SIPA1L1: variants seen among roughly 807,000 people sequenced by gnomAD.
SIPA1L1 encodes the protein signal induced proliferation associated 1 like 1.
A neutral mutation model predicts 162.7 loss-of-function variants in SIPA1L1; 26 were observed. The ratio of observed to expected loss-of-function variants is 0.16; its 90% CI spans 0.12 to 0.22. SIPA1L1 has a LOEUF of 0.22. SIPA1L1 is among the 10% of genes least tolerant of loss of function. SIPA1L1 has a pLI of 1.00. For synonymous variants in SIPA1L1, 829 were observed against 837.4 expected, an observed-to-expected ratio of 0.99 and a Z score of 0.17; for missense variants, 1,874 against 2,241.0, an observed-to-expected ratio of 0.84 and a Z score of 3.31.
chr14:71,382,776 C>T (rs2040009981), intron 2 of SIPA1L1, among the ~76,000 whole-genome samples: 1 of 152,016 alleles, frequency 6.6e-6, no homozygotes, highest in South Asian at 2.1e-4. Context: ...TATTGAGTGC[C>T]CATATGTGAA....
At chr14:71,594,064 TCTC>T (rs948104805) in intron 5 of SIPA1L1, among the ~76,000 whole-genome samples, 6 of 152,158 alleles carry the variant, frequency 3.9e-5, no homozygotes, top group Non-Finnish European at 7.3e-5. Context: ...TCACCTTCCT[TCTC>T]CTCCTCCTCC....
In SIPA1L1 at chr14:71,741,064, G is replaced by A. The variant is rs926754259; in HGVS notation, c.*1903G>A. ...TTAAAACACTTTGGTATTATTGCTT[G>A]AGGTTTGCTTATTTGAAAGACCACC... is the stretch of plus-strand genomic sequence containing the variant. On this transcript the variant is annotated 3_prime_UTR_variant, in exon 24 of 24. Transcript: ENST00000381232. 1.3e-5 allele frequency: 2 copies of A among 152,152 alleles called. No individual in the cohort carries two copies. Among genetic ancestry groups the A allele is most frequent in the Non-Finnish European group, 1.5e-5 (1 of 68,030 alleles). The allele number at this position is 152,152 out of a possible 1,614,324, so 9.4% of individuals were successfully genotyped here. A position where few individuals can be genotyped will look rare whatever the true frequency, so the allele number is the denominator to read the frequency against.
chr14:71,663,235 A>G (rs2043697506), intron 10 of SIPA1L1, among the ~76,000 whole-genome samples: 1 of 152,186 alleles, frequency 6.6e-6, no homozygotes, highest in Non-Finnish European at 1.5e-5. Context: ...ATGAATTAAC[A>G]TGTGATTTCA....
At chr14:71,422,449 A>C (rs536491353) in intron 2 of SIPA1L1, among the ~76,000 whole-genome samples, 1 of 152,310 alleles carries the variant, frequency 6.6e-6, no homozygotes, top group Non-Finnish European at 1.5e-5. Flanking sequence ...TAAAACTGAA[A>C]TTCTGTACTC....
At chr14:71,677,755 G>C (rs1371741843) in intron 12 of SIPA1L1, among the ~76,000 whole-genome samples, 2 of 152,096 alleles carry the variant, frequency 1.3e-5, no homozygotes, top group African/African-American at 4.8e-5. Flanking sequence ...TCTAGTTTTT[G>C]TCAAGTTTGT....
chr14:71,709,785 T>A, intron 17 of SIPA1L1, 121 bp downstream of exon 17: 1 of 740,022 alleles, frequency 1.4e-6, no homozygotes, highest in African/African-American at 1.8e-5. Flanking sequence ...CAGTGACAAT[T>A]ATTTTTATAT....
At chr14:71,497,420 A>T (rs999797206) in intron 2 of SIPA1L1, among the ~76,000 whole-genome samples, 4 of 152,114 alleles carry the variant, frequency 2.6e-5, no homozygotes, top group African/African-American at 9.7e-5. Flanking sequence ...TGTGACTTTC[A>T]TTATAATAAA....
At chr14:71,385,929 G>A (rs1595151402) in intron 2 of SIPA1L1, among the ~76,000 whole-genome samples, 1 of 151,786 alleles carries the variant, frequency 6.6e-6, no homozygotes, top group South Asian at 2.1e-4. Flanking sequence ...CTCGTGATCC[G>A]CCCGCCTCAG....
At chr14:71,337,663 G>A (rs1458285045) in intron 2 of SIPA1L1, among the ~76,000 whole-genome samples, 1 of 152,152 alleles carries the variant, frequency 6.6e-6, no homozygotes, top group African/African-American at 2.4e-5. Flanking sequence ...GGAATTATGG[G>A]AGCTACAATT....
chr14:71,408,316 A>G (rs1436783095), intron 2 of SIPA1L1, among the ~76,000 whole-genome samples: 1 of 152,184 alleles, frequency 6.6e-6, no homozygotes, highest in Non-Finnish European at 1.5e-5. Context: ...AATTCTTCAA[A>G]GAGACTCAAA....
rs542923200 is a variant in SIPA1L1, at chr14:71,435,967, A to G, written c.-464-76776A>G. Among the ~76,000 whole-genome samples, 24 of 152,314 alleles carry G rather than the reference A, an allele frequency of 1.6e-4. No homozygotes were observed. The East Asian group carries it at 2.9e-3, about 18-fold the overall frequency. On this transcript the variant is annotated intron_variant, in intron 2 of 23. Coordinates refer to ENST00000381232, the MANE Select transcript of SIPA1L1 (RefSeq NM_001386936.1). Reference sequence around the variant, plus strand: ...TTTCATGTGTCTGTTGGCTTCAGCAATGTATGTGTTTTACCTCCCCCTTGC... The same window carrying G: ...TTTCATGTGTCTGTTGGCTTCAGCAGTGTATGTGTTTTACCTCCCCCTTGC...
At chr14:71,442,836 T>C (rs1027351263) in intron 2 of SIPA1L1, among the ~76,000 whole-genome samples, 1 of 152,152 alleles carries the variant, frequency 6.6e-6, no homozygotes, top group African/African-American at 2.4e-5. Context: ...CTTGGGAGGC[T>C]GAGATGGGAA....
rs146386039 is a variant in SIPA1L1, at chr14:71,735,360, C to G, written c.5092C>G (p.Gln1698Glu). 1 of 1,613,940 alleles carries G rather than the reference C, an allele frequency of 6.2e-7. No individual in the cohort carries two copies. The highest frequency in any genetic ancestry group is 1.3e-5 in the African/African-American group (1 of 74,932). ...ATCCAACAGTGATCAGCTGGAGGAC[C>G]AGGCTCTGGCCCAGATGAAGCCTTA... is the stretch of plus-strand genomic sequence containing the variant. ...AASNSDQLED[Q>E]ALAQMKPYSS... The change falls in exon 22 of 24, where the codon CAG becomes GAG. Residue 1698 changes from glutamine (Q) to glutamate (E), a missense_variant. Gln to Glu is a conservative substitution (Grantham distance 29). Transcript: ENST00000381232.
intron 2 of SIPA1L1, among the ~76,000 whole-genome samples, chr14:71,449,261 A>G (rs2045637290): frequency 6.6e-6 from 1 of 152,230 alleles, no homozygotes; most frequent in African/African-American, 2.4e-5. Flanking sequence ...CAAGGAAGGA[A>G]TCAGGAAATT....
chr14:71,345,967 G>A (rs1163890180), intron 2 of SIPA1L1, among the ~76,000 whole-genome samples: 1 of 152,048 alleles, frequency 6.6e-6, no homozygotes, highest in African/African-American at 2.4e-5. Context: ...GAGTGCAGTG[G>A]CACGATCTTC....
intron 2 of SIPA1L1, among the ~76,000 whole-genome samples, chr14:71,476,100 T>C (rs2047826887): frequency 6.6e-6 from 1 of 152,248 alleles, no homozygotes; most frequent in Non-Finnish European, 1.5e-5. Context: ...ATGCTCCTGC[T>C]GAAACTGGTT....
At chr14:71,372,479 T>C (rs1174944005) in intron 2 of SIPA1L1, among the ~76,000 whole-genome samples, 1 of 152,188 alleles carries the variant, frequency 6.6e-6, no homozygotes, top group Non-Finnish European at 1.5e-5. Context: ...TACAATTCGC[T>C]ATTTCTGTCT....
chr14:71,428,184 G>A (rs377215679), intron 2 of SIPA1L1, among the ~76,000 whole-genome samples: 2 of 151,680 alleles, frequency 1.3e-5, no homozygotes, highest in South Asian at 4.2e-4. Flanking sequence ...TAGTGATGGG[G>A]TTTTGTTTGC....
intron 13 of SIPA1L1, among the ~76,000 whole-genome samples, chr14:71,692,914 C>G (rs1236897247): frequency 2.6e-5 from 4 of 152,164 alleles, no homozygotes; most frequent in African/African-American, 9.7e-5. Context: ...TGATTTGCAT[C>G]CTGCCTACGC....
Sources: gnomAD v4.1 joint callset for allele counts (sites outside exome capture counted in the v4.1 genomes callset) on GRCh38, gnomAD v4.1.1 for gene constraint, MANE v1.5 for transcripts, NCBI Gene and HGNC (gene_info 2026-07-23, HGNC 2026-07-21) for gene names.